Variants in CELF5 observed in about 807,000 individuals in gnomAD.
The protein encoded by CELF5 is CUG-BP and ETR-3 like factor 5.
Under a neutral mutation model 54.9 loss-of-function variants are expected in CELF5, and 6 were observed. The observed-to-expected ratio is 0.11, with a 90% CI of 0.06 to 0.22. The LOEUF (loss-of-function observed/expected upper bound fraction) is 0.22, where lower values mean the gene tolerates loss of function less well. Among genes scored for constraint, CELF5 ranks in the 10% least tolerant of loss-of-function variants. The probability of loss-of-function intolerance (pLI) is 1.00; values close to 1 mark genes in which losing one functional copy is unlikely to be tolerated. For synonymous variants in CELF5, 271 were observed against 290.9 expected (o/e 0.93, Z 0.70); for missense variants, 401 against 678.6 (o/e 0.59, Z 4.54).
rs759499921 is a variant in CELF5 at position 3,290,222 on chromosome 19, C to A, written c.1187-9C>A. On this transcript the variant is annotated splice_polypyrimidine_tract_variant and intron_variant, in intron 10 of 12. Coordinates refer to ENST00000292672, the MANE Select transcript of CELF5 (RefSeq NM_021938.4). ...GGGGGCTTTATGTCTTTCTCTCCCC[C>A]ACCTGCAGGTCCCGAGGGCTGTAAC... The A allele has an allele frequency of 7.4e-6, 12 of 1,612,882 alleles. No homozygotes were observed. Among genetic ancestry groups the A allele is most frequent in the Non-Finnish European group, 8.5e-6 (10 of 1,179,154 alleles).
intron 1 of CELF5, among the ~76,000 whole-genome samples, chr19:3,249,972 T>C (rs2079625380): frequency 6.6e-6 from 1 of 152,048 alleles, no homozygotes; most frequent in Non-Finnish European, 1.5e-5. Context: ...TTTTCTGAGC[T>C]CAGCCACTGA....
At chr19:3,239,411 T>G (rs1488788406) in intron 1 of CELF5, among the ~76,000 whole-genome samples, 5 of 152,106 alleles carry the variant, frequency 3.3e-5, no homozygotes, top group African/African-American at 4.8e-5. Context: ...TTGTTTTTAA[T>G]TTTTACTGGA....
intron 1 of CELF5, among the ~76,000 whole-genome samples, chr19:3,238,191 C>T (rs2079443774): frequency 6.6e-6 from 1 of 152,072 alleles, no homozygotes; most frequent in African/African-American, 2.4e-5. Context: ...CCCCTCTCTA[C>T]TAAAAATAAA....
chr19:3,240,100 C>A (rs1434005328), intron 1 of CELF5, among the ~76,000 whole-genome samples: 1 of 151,932 alleles, frequency 6.6e-6, no homozygotes, highest in Admixed American at 6.6e-5. Context: ...ACTTTACCTC[C>A]CAAGTTCAAG....
intron 2 of CELF5, among the ~76,000 whole-genome samples, chr19:3,257,785 T>TTTA (rs1568343177): frequency 0.047 from 3,783 of 80,590 alleles, 157 homozygotes; most frequent in African/African-American, 0.073. Context: ...CTCCATTTTT[T>TTTA]TTTATTTATT....
rs1057168678 is a variant in CELF5 at position 3,278,609 on chromosome 19, TGTGA to T, written c.603+502_603+505del. Among the ~76,000 whole-genome samples, 1 of 151,894 alleles carries T rather than the reference TGTGA, an allele frequency of 6.6e-6. No individual in the cohort carries two copies. Among genetic ancestry groups the T allele is most frequent in the Non-Finnish European group, 1.5e-5 (1 of 67,964 alleles). ...GTGTTTCTATGTGTGTGAGCGTGTG[TGTGA>T]GTATGCCTGGGCCACGGGGGAGGAA... On this transcript the variant is annotated intron_variant, in intron 5 of 12. Coordinates refer to ENST00000292672, the MANE Select transcript of CELF5 (RefSeq NM_021938.4). The surrounding 1 kb of genome is among the most constrained non-coding windows in gnomAD (Gnocchi z 4.5).
chr19:3,278,141 T>C lies in CELF5; in HGVS notation c.603+31T>C. 1.8e-6 allele frequency: 1 copy of C among 546,380 alleles called. No individual in the cohort carries two copies. Among genetic ancestry groups the C allele is most frequent in the Non-Finnish European group, 3.2e-6 (1 of 314,858 alleles). The allele number at this position is 546,380 out of a possible 1,614,324, so 33.8% of individuals were successfully genotyped here. A position where few individuals can be genotyped will look rare whatever the true frequency, so the allele number is the denominator to read the frequency against. ...TTGGAGCTGCCCTTGGCCGTGGGGG[T>C]GGGGGTGGGAAAGGGGTGAGGGGGA... On this transcript the variant is annotated intron_variant, in intron 5 of 12. Coordinates refer to ENST00000292672, the MANE Select transcript of CELF5 (RefSeq NM_021938.4). The surrounding 1 kb of genome is among the most constrained non-coding windows in gnomAD (Gnocchi z 4.5).
chr19:3,286,701 C>A (rs932069579), intron 10 of CELF5: 13 of 140,322 alleles, frequency 9.3e-5, no homozygotes, highest in African/African-American at 3.5e-4. Flanking sequence ...CACTGGACTC[C>A]AGCCTGGGTG....
chr19:3,231,593 G>GTGGA (rs1208555279), intron 1 of CELF5, among the ~76,000 whole-genome samples: 6 of 145,800 alleles, frequency 4.1e-5, no homozygotes, highest in Non-Finnish European at 9.1e-5. Context: ...AGATGGGTGG[G>GTGGA]TGGATGGATG....
In CELF5 at chr19:3,282,989, C is replaced by G. The variant is rs1047497201; in HGVS notation, c.1039+491C>G. 6.6e-6 allele frequency among the ~76,000 whole-genome samples: 1 copy of G among 152,168 alleles called. No homozygotes were observed. Among genetic ancestry groups the G allele is most frequent in the Non-Finnish European group, 1.5e-5 (1 of 68,024 alleles). On this transcript the variant is annotated intron_variant, in intron 8 of 12. Coordinates refer to ENST00000292672, the MANE Select transcript of CELF5 (RefSeq NM_021938.4). The surrounding 1 kb of genome is among the most constrained non-coding windows in gnomAD (Gnocchi z 5.2). ...GGGATTACAGGCGCATGCCACCATG[C>G]CCGGCTAATTTTTGTAGTTTTAGTA...
chr19:3,291,491 A>AGGAGGT (rs1465290745), intron 11 of CELF5, among the ~76,000 whole-genome samples: 1 of 146,284 alleles, frequency 6.8e-6, no homozygotes, highest in Non-Finnish European at 1.5e-5. Flanking sequence ...ACTAGAACCC[A>AGGAGGT]GGAGGTGGAG....
intron 1 of CELF5, among the ~76,000 whole-genome samples, chr19:3,243,597 A>G (rs900662002): frequency 2.0e-5 from 3 of 152,078 alleles, no homozygotes; most frequent in Non-Finnish European, 4.4e-5. Context: ...GACTTTATTA[A>G]CATCACTGCA....
intron 1 of CELF5, among the ~76,000 whole-genome samples, chr19:3,226,547 T>G (rs1182712391): frequency 1.3e-5 from 2 of 150,968 alleles, no homozygotes; most frequent in Non-Finnish European, 2.9e-5. Context: ...GCGGCCCCCA[T>G]AAGTCAATAT....
At chr19:3,257,258 G>A (rs547092420) in intron 2 of CELF5, among the ~76,000 whole-genome samples, 6 of 152,296 alleles carry the variant, frequency 3.9e-5, no homozygotes, top group Admixed American at 6.5e-5. Flanking sequence ...GACCATGCCC[G>A]AAGCATGTGA....
chr19:3,288,463 G>A (rs1306505377), intron 10 of CELF5, among the ~76,000 whole-genome samples: 4 of 152,038 alleles, frequency 2.6e-5, no homozygotes, highest in Non-Finnish European at 2.9e-5. Context: ...CAGAGGTTGC[G>A]ATGAGCCAAG....
intron 2 of CELF5, among the ~76,000 whole-genome samples, chr19:3,269,358 A>G (rs1265661361): frequency 6.6e-6 from 1 of 151,994 alleles, no homozygotes; most frequent in Non-Finnish European, 1.5e-5. Flanking sequence ...TTGTATTTTT[A>G]GTAGAGTCAG....
At chr19:3,235,694 ATG>A (rs1917548544) in intron 1 of CELF5, among the ~76,000 whole-genome samples, 1 of 132,154 alleles carries the variant, frequency 7.6e-6, no homozygotes, top group African/African-American at 2.9e-5. Flanking sequence ...GGATGGGTGG[ATG>A]GATGGATGGA....
intron 1 of CELF5, among the ~76,000 whole-genome samples, chr19:3,245,234 A>G (rs2079549479): frequency 7.7e-6 from 1 of 130,124 alleles, no homozygotes; most frequent in Non-Finnish European, 1.6e-5. Context: ...TGATGTGTAT[A>G]TGCATCTGTG....
At chr19:3,286,062 G>A (rs746250522) in intron 10 of CELF5, 37 bp downstream of exon 10, 2 of 1,497,638 alleles carry the variant, frequency 1.3e-6, no homozygotes, top group South Asian at 1.3e-5. Flanking sequence ...CGCCAGCCCC[G>A]CCCTCTGCCC....
Sources: gnomAD v4.1 joint callset for allele counts (sites outside exome capture counted in the v4.1 genomes callset) on GRCh38, gnomAD v4.1.1 for gene constraint, Gnocchi (gnomAD v3.1) non-coding constraint, MANE v1.5 for transcripts, NCBI Gene and HGNC (gene_info 2026-07-23, HGNC 2026-07-21) for gene names.